Variants in STRIP1 observed in about 807,000 individuals in gnomAD.
STRIP1 encodes striatin interacting protein 1.
STRIP1 carries 63 observed loss-of-function variants against 106.2 expected under a neutral mutation model. The ratio of observed to expected loss-of-function variants is 0.59; its 90% CI spans 0.48 to 0.73. The LOEUF (loss-of-function observed/expected upper bound fraction) is 0.73, where lower values mean the gene tolerates loss of function less well. STRIP1 is among the 30% of genes least tolerant of loss of function. STRIP1 has a pLI of 0.00. For synonymous variants in STRIP1, 390 were observed against 413.0 expected, an observed-to-expected ratio of 0.94 and a Z score of 0.67; for missense variants, 857 against 1,074.8, an observed-to-expected ratio of 0.80 and a Z score of 2.83.
chr1:110,044,259 G>A (rs1652913227), intron 10 of STRIP1, among the ~76,000 whole-genome samples: 1 of 152,276 alleles, frequency 6.6e-6, no homozygotes, highest in African/African-American at 2.4e-5. Flanking sequence ...TGAGATATAT[G>A]TGGGTAAATC....
chr1:110,042,877 T>C (rs767783838), intron 8 of STRIP1: 8 of 555,984 alleles, frequency 1.4e-5, no homozygotes, highest in Non-Finnish European at 2.2e-5. Context: ...AGCCTGCATC[T>C]CCACTCTTTC....
At chr1:110,044,155 C>T (rs1373033146) in intron 10 of STRIP1, among the ~76,000 whole-genome samples, 1 of 152,216 alleles carries the variant, frequency 6.6e-6, no homozygotes, top group African/African-American at 2.4e-5. Flanking sequence ...AGCATTTAAG[C>T]AAACATGTCT....
chr1:110,042,563 G>A (rs1300351728), intron 8 of STRIP1, among the ~76,000 whole-genome samples: 1 of 152,236 alleles, frequency 6.6e-6, no homozygotes, highest in Non-Finnish European at 1.5e-5. Context: ...TCTTCATAAA[G>A]CCTTGCTAAG....
intron 12 of STRIP1, chr1:110,045,429 A>G: frequency 9.1e-6 from 2 of 220,740 alleles, no homozygotes; most frequent in Non-Finnish European, 1.8e-5. Context: ...GTGAGCTATG[A>G]TCATGGTCCT....
chr1:110,049,262 G>C (rs1356069584), intron 16 of STRIP1, 24 bp downstream of exon 16: 1 of 1,613,876 alleles, frequency 6.2e-7, no homozygotes, highest in Non-Finnish European at 8.5e-7. Context: ...TTTCCCTCCT[G>C]TCCTGTGGGC....
intron 14 of STRIP1, 37 bp downstream of exon 14, chr1:110,047,653 T>C (rs1257164352): frequency 1.3e-6 from 2 of 1,586,316 alleles, no homozygotes; most frequent in Admixed American, 1.8e-5. Context: ...CCCACTACAC[T>C]GGCCTTAGAG....
intron 9 of STRIP1, 37 bp from the exon 10 acceptor site, chr1:110,043,602 A>T (rs1196273394): frequency 6.4e-7 from 1 of 1,573,336 alleles, no homozygotes; most frequent in South Asian, 1.1e-5. Flanking sequence ...CTGCGTCCTC[A>T]GTTGGCTCTT....
chr1:110,040,080 A>G (rs1007623697), intron 5 of STRIP1: 10 of 419,570 alleles, frequency 2.4e-5, no homozygotes, highest in African/African-American at 1.6e-4. Context: ...TGTCATCCCC[A>G]TTTTACAGAT....
At chr1:110,043,369 C>A in intron 9 of STRIP1, 99 bp downstream of exon 9, 1 of 1,274,382 alleles carries the variant, frequency 7.8e-7, no homozygotes, top group Non-Finnish European at 1.1e-6. Flanking sequence ...GAAATGATCT[C>A]TGATCAGCCA....
At chr1:110,041,671 C>T (rs572555690) in intron 7 of STRIP1, 29 bp downstream of exon 7, 1 of 1,614,110 alleles carries the variant, frequency 6.2e-7, no homozygotes, top group Non-Finnish European at 8.5e-7. Flanking sequence ...TCTCTAGAGG[C>T]CCTGCCTGGA....
At chr1:110,038,069 CAAATATATATATAT>C in intron 2 of STRIP1, 109 bp downstream of exon 2, 1 of 183,072 alleles carries the variant, frequency 5.5e-6, no homozygotes. Flanking sequence ...CTAGTTCTAT[CAAATATATATATAT>C]ATATATATAT....
In STRIP1 at chr1:110,037,233, C is replaced by T. The variant is rs569787408; in HGVS notation, c.181-658C>T. 1.3e-4 allele frequency among the ~76,000 whole-genome samples: 20 copies of T among 152,342 alleles called. No homozygotes were observed. In the East Asian group the frequency reaches 3.9e-3, roughly 29 times the overall value. Reference sequence around the variant, plus strand: ...TTACCTATTTGTTTCTCACTTCTCTCTTCCCAGTACAAGGCTTCCAAGATG... The same window carrying T: ...TTACCTATTTGTTTCTCACTTCTCTTTTCCCAGTACAAGGCTTCCAAGATG... On this transcript the variant is annotated intron_variant, in intron 1 of 20. Transcript: ENST00000369795.
chr1:110,045,700 T>C (rs1160580781), intron 12 of STRIP1, among the ~76,000 whole-genome samples: 1 of 152,068 alleles, frequency 6.6e-6, no homozygotes, highest in African/African-American at 2.4e-5. Context: ...GTTCCAGAAT[T>C]AGGCAGAGTT....
chr1:110,049,445 T>C lies in STRIP1; in HGVS notation c.1789-15T>C, dbSNP rs778435113. 369 of 1,533,808 alleles carry C rather than the reference T, an allele frequency of 2.4e-4. No individual in the cohort carries two copies. Among genetic ancestry groups the C allele is most frequent in the Non-Finnish European group, 2.9e-4 (326 of 1,131,386 alleles). ...CCGCGCCTTTTTTTTTTTTTTTTTT[T>C]CCTGTTGGCTTCAGTTTGAATACAT... On this transcript the variant is annotated splice_polypyrimidine_tract_variant and intron_variant, in intron 16 of 20. Transcript: ENST00000369795.
Position 110,039,520 on chromosome 1 carries a change from G to A in STRIP1, c.581+5G>A, listed in dbSNP as rs1463289833. On this transcript the variant is annotated splice_donor_5th_base_variant and intron_variant, in intron 5 of 20. Coordinates refer to ENST00000369795, the MANE Select transcript of STRIP1 (RefSeq NM_033088.4). Reference sequence around the variant, plus strand: ...GCTTCTGAACATGGAAATAGAGTGAGCATTTTTGAGAGGCTGAGTAGGGAA... The same window carrying A: ...GCTTCTGAACATGGAAATAGAGTGAACATTTTTGAGAGGCTGAGTAGGGAA... 1 of 1,595,548 alleles carries A rather than the reference G, an allele frequency of 6.3e-7. No homozygotes were observed. The highest frequency in any genetic ancestry group is 8.5e-7 in the Non-Finnish European group (1 of 1,171,014).
intron 17 of STRIP1, chr1:110,049,834 A>AATT: frequency 5.9e-6 from 2 of 339,032 alleles, no homozygotes; most frequent in Non-Finnish European, 1.1e-5. Context: ...TCCCTTCTGT[A>AATT]CTTTTTTTTT....
At position 110,046,806 on chromosome 1, in the gene STRIP1, C is replaced by T. The variant is rs146235506; in HGVS notation, c.1488+55C>T. ...GTGGCTCACGCCTGTAATCCCAGCA[C>T]TTTGGGAGGCCGAGGAGGGCAGATC... On this transcript the variant is annotated intron_variant, in intron 13 of 20. Coordinates refer to ENST00000369795, the MANE Select transcript of STRIP1 (RefSeq NM_033088.4). 465 of 1,367,922 alleles carry T rather than the reference C, an allele frequency of 3.4e-4. No homozygotes were observed. The East Asian group carries it at 3.6e-3, about 11-fold the overall frequency. The allele number at this position is 1,367,922 out of a possible 1,614,324, so 84.7% of individuals were successfully genotyped here. A position where few individuals can be genotyped will look rare whatever the true frequency, so the allele number is the denominator to read the frequency against.
intron 17 of STRIP1, 200 bp from the exon 18 acceptor site, chr1:110,050,142 AG>A (rs1653223127): frequency 1.7e-6 from 1 of 572,996 alleles, no homozygotes; most frequent in Non-Finnish European, 3.1e-6. Flanking sequence ...CTCTGGCTAC[AG>A]GGGTGCTTTA....
At chr1:110,045,904 TGAG>T (rs1652998958) in intron 12 of STRIP1, among the ~76,000 whole-genome samples, 1 of 152,152 alleles carries the variant, frequency 6.6e-6, no homozygotes, top group African/African-American at 2.4e-5. Context: ...CAGAGAGAGA[TGAG>T]GGGTGTTTCG....
Sources: allele counts gnomAD v4.1 joint callset (sites outside exome capture counted in the v4.1 genomes callset), GRCh38; gene constraint gnomAD v4.1.1; transcripts MANE v1.5; gene names NCBI Gene and HGNC (gene_info 2026-07-23, HGNC 2026-07-21).